Variants in DTNA observed in about 807,000 individuals in gnomAD.
DTNA encodes dystrophin-related protein 3.
Under a neutral mutation model 100.7 loss-of-function variants are expected in DTNA, and 43 were observed. That is an observed-to-expected ratio of 0.43 (90% CI 0.33 to 0.55). The LOEUF (loss-of-function observed/expected upper bound fraction) is 0.55. Ranked by LOEUF, DTNA falls within the 20% of genes least tolerant of loss-of-function variation. The pLI, the probability that DTNA is intolerant of heterozygous loss-of-function variation, is 0.04. For synonymous variants in DTNA, 349 were observed against 347.9 expected, an observed-to-expected ratio of 1.00 and a Z score of -0.04; for missense variants, 798 against 953.9, an observed-to-expected ratio of 0.84 and a Z score of 2.15.
In DTNA at chr18:34,809,071, T is replaced by G. The variant is rs947745720; in HGVS notation, c.448+2767T>G. Among the ~76,000 whole-genome samples, 16 of 152,290 alleles carry G rather than the reference T, an allele frequency of 1.1e-4. 1 individual carries two copies. Among genetic ancestry groups the G allele is most frequent in the South Asian group, 6.2e-4 (3 of 4,820 alleles). On this transcript the variant is annotated intron_variant, in intron 5 of 22. Coordinates refer to ENST00000444659, the MANE Select transcript of DTNA (RefSeq NM_001386795.1). ...ATCAATTTGACCAAAAACAATTTAG[T>G]TAAAGGTAATTTGGTCACAAAAATC...
rs1455545748 is a variant in DTNA, at chr18:34,672,544, CAT to C, written c.-1-83431_-1-83430del. ...CTGCTTTACCTTGAAATGCAGCTGA[CAT>C]GTGTTCTGTGTGAATGTGTGTATAA... On this transcript the variant is annotated intron_variant, in intron 1 of 19. Coordinates refer to the DTNA transcript ENST00000283365. Among the ~76,000 whole-genome samples, 5 of 152,208 alleles carry C rather than the reference CAT, an allele frequency of 3.3e-5. No individual in the cohort carries two copies. In the East Asian group the frequency reaches 7.7e-4, roughly 24 times the overall value.
chr18:34,736,710 A>T (rs969406352), intron 1 of DTNA, among the ~76,000 whole-genome samples: 3 of 152,208 alleles, frequency 2.0e-5, no homozygotes, highest in Non-Finnish European at 4.4e-5. Context: ...AATAAACGTG[A>T]TATTATGAAC....
At chr18:34,707,053 A>G (rs1225255852), upstream of DTNA, among the ~76,000 whole-genome samples, 2 of 152,196 alleles carry the variant, frequency 1.3e-5, no homozygotes, top group East Asian at 3.9e-4. Flanking sequence ...CAGAGGTTCA[A>G]ATTGTTTTGC....
chr18:34,795,312 C>T (rs1304628436), intron 4 of DTNA, among the ~76,000 whole-genome samples: 1 of 152,170 alleles, frequency 6.6e-6, no homozygotes, highest in East Asian at 1.9e-4. Flanking sequence ...TTAACAGAAT[C>T]GTTCCTGCTC....
chr18:34,598,646 G>T (rs12955064), intron 1 of DTNA, among the ~76,000 whole-genome samples: 1 of 152,052 alleles, frequency 6.6e-6, no homozygotes. Context: ...GGTGGATCAC[G>T]AGGTCAGGAG....
chr18:34,506,361 T>G (rs555149304), intron 1 of DTNA, among the ~76,000 whole-genome samples: 1 of 152,134 alleles, frequency 6.6e-6, no homozygotes, highest in Non-Finnish European at 1.5e-5. Context: ...GGGGGGTCTT[T>G]ATTACCACTG....
chr18:34,840,895 C>T (rs1181891271), intron 13 of DTNA, among the ~76,000 whole-genome samples: 1 of 152,036 alleles, frequency 6.6e-6, no homozygotes, highest in Non-Finnish European at 1.5e-5. Flanking sequence ...TCATACCTGT[C>T]ATGGTTCTAT....
At chr18:34,649,829 T>C (rs1361168504) in intron 1 of DTNA, among the ~76,000 whole-genome samples, 1 of 152,170 alleles carries the variant, frequency 6.6e-6, no homozygotes, top group Non-Finnish European at 1.5e-5. Flanking sequence ...TCCTGTCACA[T>C]AGCCACCTCA....
chr18:34,868,170 A>T, intron 17 of DTNA: 1 of 385,792 alleles, frequency 2.6e-6, no homozygotes, highest in Non-Finnish European at 3.5e-6. Context: ...AAAAAAAAAA[A>T]GGAAAATTAT....
intron 11 of DTNA, among the ~76,000 whole-genome samples, chr18:34,834,369 G>T (rs1044141021): frequency 1.3e-5 from 2 of 151,940 alleles, no homozygotes; most frequent in Non-Finnish European, 2.9e-5. Flanking sequence ...TGGGTGTGGT[G>T]GTGGGTGCCT....
At chr18:34,731,473 G>A (rs561162697) in intron 1 of DTNA, among the ~76,000 whole-genome samples, 324 of 150,444 alleles carry the variant, frequency 2.2e-3, no homozygotes, top group African/African-American at 7.9e-3. Context: ...GCGACAGAGC[G>A]AGACTCCGTC....
intron 15 of DTNA, among the ~76,000 whole-genome samples, chr18:34,853,035 G>A (rs2096501911): frequency 6.6e-6 from 1 of 152,138 alleles, no homozygotes; most frequent in South Asian, 2.1e-4. Flanking sequence ...CCAGAACCAG[G>A]CCTGGCAATT....
chr18:34,609,499 C>T (rs530973103), intron 1 of DTNA, among the ~76,000 whole-genome samples: 2 of 152,260 alleles, frequency 1.3e-5, no homozygotes, highest in Non-Finnish European at 2.9e-5. Flanking sequence ...CTGTCTCGGC[C>T]TCCCAAAGTG....
At chr18:34,565,963 T>G (rs1161266168) in intron 1 of DTNA, among the ~76,000 whole-genome samples, 1 of 152,158 alleles carries the variant, frequency 6.6e-6, no homozygotes, top group Admixed American at 6.5e-5. Flanking sequence ...GATGTGCAAG[T>G]CTTTCCCATT....
At chr18:34,739,920 G>T (rs1223664821) in intron 1 of DTNA, among the ~76,000 whole-genome samples, 1 of 152,096 alleles carries the variant, frequency 6.6e-6, no homozygotes, top group Admixed American at 6.6e-5. Flanking sequence ...ATTCTTGTTT[G>T]CCCTGACGTG....
At chr18:34,562,381 A>G (rs749652944) in intron 1 of DTNA, among the ~76,000 whole-genome samples, 8 of 152,240 alleles carry the variant, frequency 5.3e-5, no homozygotes, top group Non-Finnish European at 1.2e-4. Context: ...AGTATGAACT[A>G]TAGTTCTGCG....
chr18:34,890,517 C>T lies in DTNA; in HGVS notation c.*2783C>T. 6.5e-7 allele frequency: 1 copy of T among 1,527,510 alleles called. No individual in the cohort carries two copies. The highest frequency in any genetic ancestry group is 1.4e-5 in the African/African-American group (1 of 72,694). 94.6% of individuals were successfully genotyped at this position (1,527,510 alleles called of 1,614,324 possible). ...TTGCGGGGGTTGTTTCTTTCTTGTTCCACAATGAATTGCACATCCATCTCC... is the reference window on the plus strand; with the variant it reads ...TTGCGGGGGTTGTTTCTTTCTTGTTTCACAATGAATTGCACATCCATCTCC... On this transcript the variant is annotated 3_prime_UTR_variant, in exon 23 of 23. Transcript: ENST00000444659.
intron 1 of DTNA, among the ~76,000 whole-genome samples, chr18:34,617,931 G>A (rs1233405944): frequency 6.6e-6 from 1 of 152,066 alleles, no homozygotes; most frequent in Non-Finnish European, 1.5e-5. Context: ...TATCTCTGAG[G>A]TATACCTGTA....
Position 34,890,372 on chromosome 18 carries a change from T to G in DTNA, c.*2638T>G. ...CGAGACAAAATGGCGTGTGTTATTTTGGGGTTTTGTGTTTTTTGGTGGGTT... is the reference window on the plus strand; with the variant it reads ...CGAGACAAAATGGCGTGTGTTATTTGGGGGTTTTGTGTTTTTTGGTGGGTT... On this transcript the variant is annotated 3_prime_UTR_variant, in exon 23 of 23. Coordinates refer to ENST00000444659, the MANE Select transcript of DTNA (RefSeq NM_001386795.1). The G allele has an allele frequency of 6.5e-7, 1 of 1,536,122 alleles. No individual in the cohort carries two copies.
Sources: allele counts gnomAD v4.1 joint callset (sites outside exome capture counted in the v4.1 genomes callset), GRCh38; gene constraint gnomAD v4.1.1; transcripts MANE v1.5; gene names NCBI Gene and HGNC (gene_info 2026-07-23, HGNC 2026-07-21).